DNAI4: variants seen among roughly 807,000 people sequenced by gnomAD.
The protein encoded by DNAI4 is WD repeat domain 78.
DNAI4 carries 85 observed loss-of-function variants against 105.8 expected under a neutral mutation model. That is an observed-to-expected ratio of 0.80 (90% CI 0.67 to 0.96). The LOEUF is 0.96. Ranked by LOEUF, DNAI4 falls within the 40% of genes least tolerant of loss-of-function variation. The pLI is 0.00. For synonymous variants in DNAI4, 352 were observed against 331.5 expected, an observed-to-expected ratio of 1.06 and a Z score of -0.67; for missense variants, 1,014 against 1,005.6, an observed-to-expected ratio of 1.01 and a Z score of -0.11.
At position 66,893,253 on chromosome 1, in the gene DNAI4, G is replaced by T. The variant is rs1648013309; in HGVS notation, c.506C>A (p.Pro169His). 2 of 1,594,254 alleles carry T rather than the reference G, an allele frequency of 1.3e-6. No individual in the cohort carries two copies. The highest frequency in any genetic ancestry group is 1.7e-6 in the Non-Finnish European group (2 of 1,170,606). ...CCTTGTAAACTGCCCTAACGTACTAGGATTTATTGTATTCTGATAAAGGCT... is the reference window on the plus strand; with the variant it reads ...CCTTGTAAACTGCCCTAACGTACTATGATTTATTGTATTCTGATAAAGGCT... ...SYSLYQNTIN[P>H]STLGQFTRSV... The change falls in exon 3 of 17, where the codon CCT becomes CAT. Residue 169 changes from proline (P) to histidine (H), a missense_variant. Pro to His is a moderately conservative substitution (Grantham distance 77). Coordinates refer to ENST00000371026, the MANE Select transcript of DNAI4 (RefSeq NM_024763.5).
chr1:66,832,947 G>A (rs1262177228), intron 13 of DNAI4, among the ~76,000 whole-genome samples: 1 of 152,166 alleles, frequency 6.6e-6, no homozygotes, highest in Admixed American at 6.5e-5. Flanking sequence ...GTCACCACGT[G>A]AATTGAAATG....
intron 13 of DNAI4, 130 bp downstream of exon 13, chr1:66,833,455 C>T (rs1210878434): frequency 1.9e-6 from 2 of 1,074,408 alleles, no homozygotes; most frequent in African/African-American, 1.6e-5. Context: ...CATTTATCTA[C>T]TTTCTGTCTC....
In DNAI4 at chr1:66,814,948, T is replaced by A. The variant is rs543645197; in HGVS notation, c.2497-768A>T. ...ATGATCATATATAAGAGGATGAAAATCAAAGATGGGAGGTGAGTTTTTAAG... is the reference window on the plus strand; with the variant it reads ...ATGATCATATATAAGAGGATGAAAAACAAAGATGGGAGGTGAGTTTTTAAG... On this transcript the variant is annotated intron_variant, in intron 16 of 16. Transcript: ENST00000371026. Among the ~76,000 whole-genome samples the A allele has an allele frequency of 7.9e-5, 12 of 152,180 alleles. No individual in the cohort carries two copies. The South Asian group carries it at 2.5e-3, about 32-fold the overall frequency.
At chr1:66,814,377 CT>C (rs375603145) in intron 16 of DNAI4, among the ~76,000 whole-genome samples, 197 bp from the exon 17 acceptor site, 2,588 of 148,770 alleles carry the variant, frequency 0.017, 66 homozygotes, top group African/African-American at 0.061. Flanking sequence ...ATGAAAGGCT[CT>C]TTTTTTTTTG....
intron 1 of DNAI4, among the ~76,000 whole-genome samples, chr1:66,911,147 CA>C (rs1649627900): frequency 6.6e-6 from 1 of 152,208 alleles, no homozygotes; most frequent in Non-Finnish European, 1.5e-5. Flanking sequence ...AGGGTTCCCA[CA>C]ACCCTCTCCT....
rs555881294 is a variant in DNAI4, at chr1:66,849,496, G to C, written c.1097-1818C>G. Among the ~76,000 whole-genome samples the C allele has an allele frequency of 2.6e-5, 4 of 152,192 alleles. No homozygotes were observed. The East Asian group carries it at 5.8e-4, about 22-fold the overall frequency. ...ACTCTTACAATACCCCAAATGTCCA[G>C]GTTTCAATTGAAAGTCACTCATAAT... On this transcript the variant is annotated intron_variant, in intron 7 of 16. Coordinates refer to ENST00000371026, the MANE Select transcript of DNAI4 (RefSeq NM_024763.5).
At chr1:66,914,938 A>G (rs1649954941) in intron 1 of DNAI4, among the ~76,000 whole-genome samples, 1 of 152,246 alleles carries the variant, frequency 6.6e-6, no homozygotes, top group South Asian at 2.1e-4. Context: ...ATCTTTAATA[A>G]ATAAGCTAGC....
intron 16 of DNAI4, among the ~76,000 whole-genome samples, chr1:66,821,763 CTAA>C (rs1411936084): frequency 2.6e-5 from 4 of 151,396 alleles, no homozygotes; most frequent in Non-Finnish European, 4.4e-5. Context: ...CATATTTGTG[CTAA>C]TATTTACCAG....
At chr1:66,848,359 C>A in intron 7 of DNAI4, 1 of 423,148 alleles carries the variant, frequency 2.4e-6, no homozygotes, top group Non-Finnish European at 4.7e-6. Flanking sequence ...TTAGACTGGG[C>A]CCAATAAGAT....
At chr1:66,912,372 G>A (rs867887899) in intron 1 of DNAI4, among the ~76,000 whole-genome samples, 3 of 152,014 alleles carry the variant, frequency 2.0e-5, no homozygotes, top group Non-Finnish European at 4.4e-5. Context: ...GGGAGGCTGA[G>A]GCAGGAGAAT....
chr1:66,829,466 T>C (rs1645824123), intron 13 of DNAI4, among the ~76,000 whole-genome samples: 2 of 152,114 alleles, frequency 1.3e-5, no homozygotes, highest in African/African-American at 4.8e-5. Context: ...AATCACAAGT[T>C]ATAAATAGGG....
At position 66,890,985 on chromosome 1, in the gene DNAI4, G is replaced by T; in HGVS notation, c.643+169C>A. 1.6e-6 allele frequency: 1 copy of T among 626,852 alleles called. No individual in the cohort carries two copies. Among genetic ancestry groups the T allele is most frequent in the Non-Finnish European group, 2.8e-6 (1 of 353,672 alleles). The allele number at this position is 626,852 out of a possible 1,614,324, so 38.8% of individuals were successfully genotyped here. A position where few individuals can be genotyped will look rare whatever the true frequency, so the allele number is the denominator to read the frequency against. ...GCTGATGATTCAAAACAGTCACCCA[G>T]GGAACTTAAAAAAATAGATATTCCC... On this transcript the variant is annotated intron_variant, in intron 4 of 16. Transcript: ENST00000371026. The surrounding 1 kb of genome is among the most constrained non-coding windows in gnomAD (Gnocchi z 4.1).
intron 16 of DNAI4, among the ~76,000 whole-genome samples, chr1:66,814,677 T>C (rs1337675575): frequency 6.6e-6 from 1 of 152,220 alleles, no homozygotes; most frequent in Non-Finnish European, 1.5e-5. Context: ...CAAAAGACTC[T>C]TTTAATGAAT....
At chr1:66,829,277 T>G (rs745725443) in intron 13 of DNAI4, among the ~76,000 whole-genome samples, 1 of 152,096 alleles carries the variant, frequency 6.6e-6, no homozygotes, top group Non-Finnish European at 1.5e-5. Flanking sequence ...GGCAGTGATT[T>G]TAAGATTGTA....
chr1:66,838,480 G>C (rs1572624685), intron 9 of DNAI4, among the ~76,000 whole-genome samples: 1 of 152,268 alleles, frequency 6.6e-6, no homozygotes, highest in Non-Finnish European at 1.5e-5. Context: ...AAAATAAATT[G>C]CTGTTCTTTA....
At position 66,890,898 on chromosome 1, in the gene DNAI4, C is replaced by T; in HGVS notation, c.643+256G>A. 1 of 505,910 alleles carries T rather than the reference C, an allele frequency of 2.0e-6. No homozygotes were observed. The highest frequency in any genetic ancestry group is 3.5e-6 in the Non-Finnish European group (1 of 284,918). 31.3% of individuals were successfully genotyped at this position (505,910 alleles called of 1,614,324 possible). A position where few individuals can be genotyped will look rare whatever the true frequency, so the allele number is the denominator to read the frequency against. On this transcript the variant is annotated intron_variant, in intron 4 of 16. Transcript: ENST00000371026. The surrounding 1 kb of genome is among the most constrained non-coding windows in gnomAD (Gnocchi z 4.1). ...GAAGAAGAAGAAGCAGAAGCAGCAG[C>T]AGCAACAGCAGCAGCAGAAGCAGCA...
At chr1:66,888,342 G>T (rs1647315895) in intron 4 of DNAI4, among the ~76,000 whole-genome samples, 2 of 152,048 alleles carry the variant, frequency 1.3e-5, no homozygotes, top group Admixed American at 1.3e-4. Context: ...AGAAGCCAGT[G>T]GGTAGAAGTA....
chr1:66,907,250 TTC>T (rs1382862031), intron 1 of DNAI4, among the ~76,000 whole-genome samples: 1 of 152,212 alleles, frequency 6.6e-6, no homozygotes, highest in African/African-American at 2.4e-5. Flanking sequence ...TCAGATTCGT[TTC>T]TGTCATACCA....
intron 4 of DNAI4, among the ~76,000 whole-genome samples, chr1:66,879,305 T>C (rs1647019179): frequency 6.6e-6 from 1 of 152,228 alleles, no homozygotes; most frequent in Non-Finnish European, 1.5e-5. Context: ...TTCAGACTGG[T>C]TTATTTGACT....
Sources: allele counts gnomAD v4.1 joint callset (sites outside exome capture counted in the v4.1 genomes callset), GRCh38; gene constraint gnomAD v4.1.1; non-coding constraint Gnocchi (gnomAD v3.1); transcripts MANE v1.5; gene names NCBI Gene and HGNC (gene_info 2026-07-23, HGNC 2026-07-21).